The following PIP4K2A variants were observed in gnomAD, a reference collection of about 807,000 sequenced individuals.
The protein encoded by PIP4K2A is phosphatidylinositol-5-phosphate 4-kinase type 2 alpha.
Under a neutral mutation model 42.9 loss-of-function variants are expected in PIP4K2A, and 14 were observed. The observed-to-expected ratio is 0.33, with a 90% confidence interval of 0.22 to 0.51. The LOEUF (loss-of-function observed/expected upper bound fraction) is 0.51, where lower values mean the gene tolerates loss of function less well. Among genes scored for constraint, PIP4K2A ranks in the 20% least tolerant of loss-of-function variants. The pLI is 0.97. For missense variants in PIP4K2A, 434 were observed against 519.8 expected, an observed-to-expected ratio of 0.83 and a Z score of 1.61; for synonymous variants, 192 against 192.2, an observed-to-expected ratio of 1.00 and a Z score of 0.01.
At chr10:22,699,064 A>T (rs1026138407) in intron 1 of PIP4K2A, among the ~76,000 whole-genome samples, 1 of 152,226 alleles carries the variant, frequency 6.6e-6, no homozygotes, top group African/African-American at 2.4e-5. Context: ...AATTAGACAA[A>T]AAGATTAGCT....
intron 1 of PIP4K2A, among the ~76,000 whole-genome samples, chr10:22,667,601 G>C (rs983344995): frequency 1.3e-5 from 2 of 152,050 alleles, no homozygotes; most frequent in Non-Finnish European, 2.9e-5. Context: ...CATTCCATGA[G>C]ATACACATTT....
At chr10:22,591,927 A>G (rs1384574362) in intron 3 of PIP4K2A, 146 bp from the exon 4 acceptor site, 1 of 640,944 alleles carries the variant, frequency 1.6e-6, no homozygotes, top group Non-Finnish European at 2.6e-6. Flanking sequence ...GGATGACAAC[A>G]TTTTTACATG....
intron 4 of PIP4K2A, among the ~76,000 whole-genome samples, chr10:22,590,496 A>G (rs939956066): frequency 6.6e-6 from 1 of 152,184 alleles, no homozygotes; most frequent in Non-Finnish European, 1.5e-5. Context: ...CTTGACATGC[A>G]ATTTCCTATT....
Position 22,664,118 on chromosome 10 carries a change from T to C in PIP4K2A, c.144+50065A>G, listed in dbSNP as rs1348275114. 2.9e-3 allele frequency among the ~76,000 whole-genome samples: 169 copies of C among 58,522 alleles called. 11 individuals are homozygous for C. Among genetic ancestry groups the C allele is most frequent in the African/African-American group, 0.021 (118 of 5,654 alleles). 38.4% of individuals were successfully genotyped at this position (58,522 alleles called of 152,430 possible). A position where few individuals can be genotyped will look rare whatever the true frequency, so the allele number is the denominator to read the frequency against. On this transcript the variant is annotated intron_variant, in intron 1 of 9. Coordinates refer to ENST00000376573, the MANE Select transcript of PIP4K2A (RefSeq NM_005028.5). ...ATATATATATACATATATATATACA[T>C]ATATATATATACATATATATATACA...
At chr10:22,608,326 G>C (rs1475020877) in intron 2 of PIP4K2A, among the ~76,000 whole-genome samples, 1 of 152,170 alleles carries the variant, frequency 6.6e-6, no homozygotes, top group Non-Finnish European at 1.5e-5. Context: ...GGGCCAGGCA[G>C]GGGGAGCAGT....
chr10:22,556,387 C>T (rs756833403), intron 6 of PIP4K2A, among the ~76,000 whole-genome samples: 2 of 152,122 alleles, frequency 1.3e-5, no homozygotes, highest in African/African-American at 4.8e-5. Flanking sequence ...ACTGAAAAGA[C>T]CTTTTGTTTA....
chr10:22,618,621 A>G (rs535555997), intron 1 of PIP4K2A, among the ~76,000 whole-genome samples: 1 of 152,260 alleles, frequency 6.6e-6, no homozygotes, highest in East Asian at 1.9e-4. Flanking sequence ...ACATTGCACA[A>G]TCCCCTCCAC....
intron 4 of PIP4K2A, among the ~76,000 whole-genome samples, chr10:22,581,322 A>C (rs1317291945): frequency 7.6e-6 from 1 of 131,440 alleles, no homozygotes; most frequent in African/African-American, 2.8e-5. Flanking sequence ...AGGTGCTGAA[A>C]ATCTACTCTC....
chr10:22,541,410 C>A (rs1048294787), intron 8 of PIP4K2A, among the ~76,000 whole-genome samples: 1 of 152,150 alleles, frequency 6.6e-6, no homozygotes, highest in African/African-American at 2.4e-5. Context: ...GATAACTAGG[C>A]AAAAACGTAT....
In PIP4K2A at chr10:22,589,270, G is replaced by GA. The variant is rs1564432909; in HGVS notation, c.492+2358dup. Reference sequence around the variant, plus strand: ...AAGTATGATATCAATTTCCAGAGGGGAAAAAATGAAAAAGTAGACAGTTTA... The same window carrying GA: ...AAGTATGATATCAATTTCCAGAGGGGAAAAAAATGAAAAAGTAGACAGTTTA... On this transcript the variant is annotated intron_variant, in intron 4 of 9. Coordinates refer to ENST00000376573, the MANE Select transcript of PIP4K2A (RefSeq NM_005028.5). 2.6e-5 allele frequency among the ~76,000 whole-genome samples: 4 copies of GA among 152,116 alleles called. No homozygotes were observed. The East Asian group carries it at 7.7e-4, about 29-fold the overall frequency.
chr10:22,544,224 G>T (rs7901152), intron 7 of PIP4K2A, among the ~76,000 whole-genome samples: 2 of 151,668 alleles, frequency 1.3e-5, no homozygotes, highest in South Asian at 4.2e-4. Flanking sequence ...CTGCTTTCCC[G>T]TCAGAATGAC....
At chr10:22,655,738 C>T (rs749455265) in intron 1 of PIP4K2A, among the ~76,000 whole-genome samples, 5 of 152,102 alleles carry the variant, frequency 3.3e-5, no homozygotes, top group South Asian at 2.1e-4. Context: ...GAAAACATTC[C>T]GACATGCATC....
Position 22,573,463 on chromosome 10 carries a change from T to C in PIP4K2A, c.493-6A>G, listed in dbSNP as rs749030397. The C allele has an allele frequency of 5.6e-6, 9 of 1,599,498 alleles. No homozygotes were observed. The highest frequency in any genetic ancestry group is 1.7e-4 in the Middle Eastern group (1 of 5,996). ...CCATGACATTCCACTATGTACTGCA[T>C]AGGAGAGAAAGAAAAAGGAAAAAAA... is the stretch of plus-strand genomic sequence containing the variant. On this transcript the variant is annotated splice_region_variant and splice_polypyrimidine_tract_variant and intron_variant, in intron 4 of 9. Transcript: ENST00000376573.
At chr10:22,582,562 T>C (rs1179884912) in intron 4 of PIP4K2A, among the ~76,000 whole-genome samples, 1 of 152,228 alleles carries the variant, frequency 6.6e-6, no homozygotes, top group Non-Finnish European at 1.5e-5. Flanking sequence ...TAATATAGCA[T>C]CAAATTAGTA....
At chr10:22,674,782 A>AAAAT (rs71395814) in intron 1 of PIP4K2A, among the ~76,000 whole-genome samples, 38,398 of 148,240 alleles carry the variant, frequency 0.26, 5,316 homozygotes, top group Non-Finnish European at 0.3. Flanking sequence ...TCTCTACCAA[A>AAAAT]AAATAAATAA....
chr10:22,708,904 T>C (rs1833864419), intron 1 of PIP4K2A, among the ~76,000 whole-genome samples: 1 of 152,222 alleles, frequency 6.6e-6, no homozygotes, highest in African/African-American at 2.4e-5. Flanking sequence ...CACCTCAGCC[T>C]CCTGAGTAGT....
At chr10:22,610,075 A>G (rs1333386623) in intron 1 of PIP4K2A, among the ~76,000 whole-genome samples, 1 of 152,254 alleles carries the variant, frequency 6.6e-6, no homozygotes, top group African/African-American at 2.4e-5. Context: ...TCTGTAAAGA[A>G]AATGTTATCT....
chr10:22,700,375 A>C (rs532746127), intron 1 of PIP4K2A, among the ~76,000 whole-genome samples: 15 of 152,350 alleles, frequency 9.8e-5, no homozygotes, highest in African/African-American at 3.4e-4. Flanking sequence ...CAAATCTATA[A>C]GGGGACTTTA....
intron 1 of PIP4K2A, among the ~76,000 whole-genome samples, chr10:22,660,774 C>T (rs560415491): frequency 4.0e-5 from 6 of 151,820 alleles, no homozygotes; most frequent in Non-Finnish European, 8.8e-5. Flanking sequence ...ATAATCAATA[C>T]ACCATACTTC....
Sources: gnomAD v4.1 joint callset for allele counts (sites outside exome capture counted in the v4.1 genomes callset) on GRCh38, gnomAD v4.1.1 for gene constraint, MANE v1.5 for transcripts, NCBI Gene and HGNC (gene_info 2026-07-23, HGNC 2026-07-21) for gene names.